The following TMEM131 variants were observed in gnomAD, a reference collection of about 807,000 sequenced individuals.
The protein encoded by TMEM131 is transmembrane protein 131.
Under a neutral mutation model 211.6 loss-of-function variants are expected in TMEM131, and 66 were observed. That is an observed-to-expected ratio of 0.31 (90% CI 0.26 to 0.38). TMEM131 has a LOEUF of 0.38. Among genes scored for constraint, TMEM131 ranks in the 10% least tolerant of loss-of-function variants. The probability of loss-of-function intolerance (pLI) is 1.00; values close to 1 mark genes in which losing one functional copy is unlikely to be tolerated. For missense variants in TMEM131, 2,036 were observed against 2,299.3 expected, an observed-to-expected ratio of 0.89 and a Z score of 2.34; for synonymous variants, 844 against 841.3, an observed-to-expected ratio of 1.00 and a Z score of -0.06.
intron 1 of TMEM131, among the ~76,000 whole-genome samples, chr2:97,971,749 C>T (rs201637864): frequency 6.6e-5 from 10 of 152,168 alleles, no homozygotes; most frequent in East Asian, 5.8e-4. Flanking sequence ...ATAGTCCCAG[C>T]TACTCAGGGG....
chr2:97,891,224 C>T (rs1032959111), intron 3 of TMEM131, among the ~76,000 whole-genome samples: 13 of 152,144 alleles, frequency 8.5e-5, no homozygotes, highest in African/African-American at 3.1e-4. Flanking sequence ...GTGGCCTTTG[C>T]TAATATCATT....
At chr2:97,972,489 C>T (rs1353525841) in intron 1 of TMEM131, among the ~76,000 whole-genome samples, 3 of 145,954 alleles carry the variant, frequency 2.1e-5, no homozygotes, top group African/African-American at 7.7e-5. Context: ...GGAGGGAAGG[C>T]GGGCAGGCAG....
At chr2:97,873,734 G>C (rs1674582116) in intron 4 of TMEM131, among the ~76,000 whole-genome samples, 1 of 152,198 alleles carries the variant, frequency 6.6e-6, no homozygotes, top group Non-Finnish European at 1.5e-5. Context: ...CAACATCAAA[G>C]ACCAAAGGTA....
chr2:97,993,666 C>G (rs1174624470), intron 1 of TMEM131, among the ~76,000 whole-genome samples: 1 of 152,230 alleles, frequency 6.6e-6, no homozygotes, highest in African/African-American at 2.4e-5. Flanking sequence ...CTGGCTGATT[C>G]AACCACCCCT....
chr2:97,764,981 C>A (rs542775213), intron 35 of TMEM131: 31 of 152,368 alleles, frequency 2.0e-4, no homozygotes, highest in African/African-American at 7.0e-4. Flanking sequence ...GGGCTGTGTT[C>A]TGTTGCTGAA....
intron 1 of TMEM131, among the ~76,000 whole-genome samples, chr2:97,959,251 T>G (rs981507210): frequency 6.6e-6 from 1 of 151,290 alleles, no homozygotes; most frequent in Non-Finnish European, 1.5e-5. Context: ...AAGGGAGAAA[T>G]AGAAGGAGCT....
At chr2:97,899,155 CTTT>C (rs1455728888) in intron 3 of TMEM131, among the ~76,000 whole-genome samples, 1 of 152,118 alleles carries the variant, frequency 6.6e-6, no homozygotes, top group Non-Finnish European at 1.5e-5. Flanking sequence ...AAATGTCCTT[CTTT>C]ATCTCTGATA....
chr2:97,827,317 T>G (rs1682447840), intron 11 of TMEM131: 1 of 789,902 alleles, frequency 1.3e-6, no homozygotes, highest in Non-Finnish European at 2.3e-6. Context: ...ATCGGCGCGG[T>G]TGTCAGCTAA....
At chr2:97,854,956 T>C (rs1360785388) in intron 5 of TMEM131, among the ~76,000 whole-genome samples, 1 of 152,200 alleles carries the variant, frequency 6.6e-6, no homozygotes, top group Admixed American at 6.5e-5. Context: ...GATCTTATAC[T>C]TTTCTTCTGA....
At chr2:97,922,955 A>G (rs1676807803) in intron 2 of TMEM131, among the ~76,000 whole-genome samples, 1 of 152,236 alleles carries the variant, frequency 6.6e-6, no homozygotes, top group South Asian at 2.1e-4. Flanking sequence ...AGAAGGCTCA[A>G]TATAGGTTCT....
intron 4 of TMEM131, among the ~76,000 whole-genome samples, chr2:97,869,288 G>C (rs1674396665): frequency 6.6e-6 from 1 of 152,202 alleles, no homozygotes; most frequent in African/African-American, 2.4e-5. Context: ...AAGAAGACAG[G>C]ATTGGAGGTG....
chr2:97,765,240 G>C (rs757744460), intron 35 of TMEM131: 2 of 152,192 alleles, frequency 1.3e-5, no homozygotes, highest in African/African-American at 2.4e-5. Flanking sequence ...ATCTCAGAGA[G>C]CATCTCTTTC....
intron 5 of TMEM131, among the ~76,000 whole-genome samples, chr2:97,857,321 G>C (rs899056811): frequency 6.6e-6 from 1 of 152,208 alleles, no homozygotes; most frequent in Non-Finnish European, 1.5e-5. Flanking sequence ...ATGTTCTCTA[G>C]GACACCCCCA....
At chr2:97,903,034 G>C (rs1337013576) in intron 3 of TMEM131, among the ~76,000 whole-genome samples, 1 of 152,052 alleles carries the variant, frequency 6.6e-6, no homozygotes, top group Non-Finnish European at 1.5e-5. Context: ...TATCCTAACA[G>C]TTCTGTCCCT....
chr2:97,948,991 C>T (rs1454432179), intron 1 of TMEM131, among the ~76,000 whole-genome samples: 1 of 152,110 alleles, frequency 6.6e-6, no homozygotes, highest in Non-Finnish European at 1.5e-5. Context: ...CATAACCCAC[C>T]AGACATTCCA....
intron 1 of TMEM131, among the ~76,000 whole-genome samples, chr2:97,979,743 A>G (rs1382805305): frequency 6.6e-6 from 1 of 152,224 alleles, no homozygotes; most frequent in Non-Finnish European, 1.5e-5. Flanking sequence ...CCTATCAGCA[A>G]TAAGGCTGTT....
intron 22 of TMEM131, among the ~76,000 whole-genome samples, chr2:97,804,416 G>GTGGGT (rs1681191158): frequency 6.6e-6 from 1 of 152,044 alleles, no homozygotes; most frequent in Non-Finnish European, 1.5e-5. Context: ...TGTAATCTCA[G>GTGGGT]CACTTTGGGA....
In TMEM131 at chr2:97,899,673, C is replaced by T. The variant is rs534039184; in HGVS notation, c.290+8985G>A. On this transcript the variant is annotated intron_variant, in intron 3 of 40. Coordinates refer to ENST00000186436, the MANE Select transcript of TMEM131 (RefSeq NM_015348.2). ...GACCTTGAAGGAGAATCTGTCAATG[C>T]TTAATGAAACAATGTCAGCATTTAC... is the stretch of plus-strand genomic sequence containing the variant. 6.1e-4 allele frequency among the ~76,000 whole-genome samples: 93 copies of T among 152,264 alleles called. 1 individual carries two copies. Among genetic ancestry groups the T allele is most frequent in the African/African-American group, 2.2e-3 (91 of 41,562 alleles).
At chr2:97,893,871 CTTTAG>C (rs1383228550) in intron 3 of TMEM131, among the ~76,000 whole-genome samples, 5 of 152,164 alleles carry the variant, frequency 3.3e-5, no homozygotes, top group South Asian at 2.1e-4. Context: ...TGCAGAAACT[CTTTAG>C]TTTAATTAGA....
Sources: gnomAD v4.1 joint callset for allele counts (sites outside exome capture counted in the v4.1 genomes callset) on GRCh38, gnomAD v4.1.1 for gene constraint, MANE v1.5 for transcripts, NCBI Gene and HGNC (gene_info 2026-07-23, HGNC 2026-07-21) for gene names.